The following STEAP1B variants were observed in gnomAD, a reference collection of about 807,000 sequenced individuals.
STEAP1B encodes the protein STEAP family member 1B, also known as STEAP family protein MGC87042.
STEAP1B carries 13 observed loss-of-function variants against 27.9 expected under a neutral mutation model. That is an observed-to-expected ratio of 0.47 (90% CI 0.30 to 0.74). STEAP1B has a LOEUF of 0.74. STEAP1B is among the 30% of genes least tolerant of loss of function. STEAP1B has a pLI of 0.06. For synonymous variants in STEAP1B, 86 were observed against 107.1 expected (o/e 0.80, Z 1.22); for missense variants, 250 against 298.7 (o/e 0.84, Z 1.20).
At chr7:22,470,310 T>C (rs1023687460) in intron 4 of STEAP1B, among the ~76,000 whole-genome samples, 1 of 152,158 alleles carries the variant, frequency 6.6e-6, no homozygotes, top group Non-Finnish European at 1.5e-5. Context: ...CAAAGTTGAC[T>C]TGAGGGGGCA....
intron 4 of STEAP1B, among the ~76,000 whole-genome samples, chr7:22,463,497 A>G (rs555584512): frequency 3.3e-5 from 5 of 152,350 alleles, no homozygotes; most frequent in African/African-American, 1.2e-4. Context: ...TGCATCGCCA[A>G]GTCAATCCTG....
At chr7:22,484,938 A>T (rs1344432023) in intron 4 of STEAP1B, among the ~76,000 whole-genome samples, 1 of 152,254 alleles carries the variant, frequency 6.6e-6, no homozygotes, top group African/African-American at 2.4e-5. Context: ...TTCTGAGTAC[A>T]GCCTGAAGCT....
intron 4 of STEAP1B, among the ~76,000 whole-genome samples, chr7:22,421,493 T>C (rs1242724132): frequency 2.0e-5 from 3 of 152,216 alleles, no homozygotes; most frequent in African/African-American, 7.2e-5. Flanking sequence ...CAGTGGAAGC[T>C]GCTTCATCTA....
At chr7:22,438,759 G>GA in intron 4 of STEAP1B, 1 of 1,542,978 alleles carries the variant, frequency 6.5e-7, no homozygotes, top group Non-Finnish European at 8.7e-7. Context: ...GTATAGCCTA[G>GA]AAAATGAAAA....
intron 4 of STEAP1B, among the ~76,000 whole-genome samples, chr7:22,454,438 G>A (rs553690144): frequency 1.3e-5 from 2 of 152,156 alleles, no homozygotes; most frequent in East Asian, 3.9e-4. Flanking sequence ...ATCATCTAGG[G>A]TGCCAGAGAC....
At chr7:22,435,119 C>T (rs1388441870) in intron 4 of STEAP1B, among the ~76,000 whole-genome samples, 1 of 152,026 alleles carries the variant, frequency 6.6e-6, no homozygotes, top group Non-Finnish European at 1.5e-5. Context: ...TAGATCTGGC[C>T]AGATTTACCG....
chr7:22,479,299 TG>T (rs1361774952), intron 4 of STEAP1B, among the ~76,000 whole-genome samples: 19 of 152,170 alleles, frequency 1.2e-4, no homozygotes, highest in African/African-American at 3.6e-4. Flanking sequence ...ATGCCGGCGC[TG>T]CAAGGAGGCA....
At chr7:22,432,650 C>G (rs1274794964) in intron 4 of STEAP1B, among the ~76,000 whole-genome samples, 1 of 152,174 alleles carries the variant, frequency 6.6e-6, no homozygotes, top group African/African-American at 2.4e-5. Context: ...AACAAATGGA[C>G]AGTCTTCATT....
At chr7:22,488,208 T>C (rs1786249902) in intron 4 of STEAP1B, among the ~76,000 whole-genome samples, 1 of 152,218 alleles carries the variant, frequency 6.6e-6, no homozygotes, top group African/African-American at 2.4e-5. Flanking sequence ...CTCCAGGACC[T>C]GTTAGCCTGG....
At chr7:22,453,268 T>C (rs1562572305) in intron 4 of STEAP1B, among the ~76,000 whole-genome samples, 1 of 152,230 alleles carries the variant, frequency 6.6e-6, no homozygotes, top group Non-Finnish European at 1.5e-5. Flanking sequence ...AAAGGTCTCA[T>C]GATGTGCAGA....
At chr7:22,488,479 G>A (rs1484259657) in intron 4 of STEAP1B, among the ~76,000 whole-genome samples, 1 of 152,192 alleles carries the variant, frequency 6.6e-6, no homozygotes, top group African/African-American at 2.4e-5. Context: ...GAATCAGAAG[G>A]GCTTGAATAA....
Position 22,493,430 on chromosome 7 carries a change from A to G in STEAP1B, c.491T>C (p.Phe164Ser), listed in dbSNP as rs1298326675. 1 of 1,613,810 alleles carries G rather than the reference A, an allele frequency of 6.2e-7. No homozygotes were observed. Among genetic ancestry groups the G allele is most frequent in the Non-Finnish European group, 8.5e-7 (1 of 1,179,850 alleles). Residue 164 changes from phenylalanine (F) to serine (S), a missense_variant, in exon 3 of 5, where the codon TTT becomes TCT. Transcript: ENST00000678116. ...LDKWMLTRKQ[F>S]GLLSLFFAVL... Reference sequence around the variant, plus strand: ...AGCAAAAAACAAACTGAGAAGCCCAAACTGCTTTCTTGTTAACATCCACTT... The same window carrying G: ...AGCAAAAAACAAACTGAGAAGCCCAGACTGCTTTCTTGTTAACATCCACTT...
rs1371957621 is a variant in STEAP1B at position 22,492,349 on chromosome 7, G to GAAAAAAAAAAAAAA, written c.762+215_762+216insTTTTTTTTTTTTTT. Reference sequence around the variant, plus strand: ...AAAAAAAAAAAAAAAAAAAAAAAAGGATATTTTAATGCTTTTTATTTATGT... The same window carrying GAAAAAAAAAAAAAA: ...AAAAAAAAAAAAAAAAAAAAAAAAGGAAAAAAAAAAAAAAATATTTTAATGCTTTTTATTTATGT... On this transcript the variant is annotated intron_variant, in intron 4 of 4. Transcript: ENST00000678116. The GAAAAAAAAAAAAAA allele has an allele frequency of 1.7e-3, 314 of 184,928 alleles. 3 individuals are homozygous for GAAAAAAAAAAAAAA. The highest frequency in any genetic ancestry group is 2.5e-3 in the African/African-American group (83 of 32,824). The allele number at this position is 184,928 out of a possible 1,614,324, so 11.5% of individuals were successfully genotyped here. A position where few individuals can be genotyped will look rare whatever the true frequency, so the allele number is the denominator to read the frequency against.
At chr7:22,479,835 C>T (rs534923446) in intron 4 of STEAP1B, among the ~76,000 whole-genome samples, 1 of 124,646 alleles carries the variant, frequency 8.0e-6, no homozygotes, top group East Asian at 2.9e-4. Context: ...CAGGCACACA[C>T]CGGCGACGCC....
chr7:22,458,282 T>A (rs1583641051), intron 4 of STEAP1B, among the ~76,000 whole-genome samples: 2 of 152,334 alleles, frequency 1.3e-5, no homozygotes, highest in South Asian at 4.1e-4. Context: ...TTAGTTAGTG[T>A]ACTAAAGTGC....
At position 22,488,972 on chromosome 7, in the gene STEAP1B, G is replaced by A. The variant is rs147554233; in HGVS notation, c.762+3593C>T. 5.7e-3 allele frequency among the ~76,000 whole-genome samples: 874 copies of A among 152,284 alleles called. 1 individual carries two copies. The highest frequency in any genetic ancestry group is 8.5e-3 in the Non-Finnish European group (577 of 68,016). Reference sequence around the variant, plus strand: ...AAAATGACTAGGAGTTGCAAAGACCGGATGCAGTACCCTTGGATAAGTTCT... The same window carrying A: ...AAAATGACTAGGAGTTGCAAAGACCAGATGCAGTACCCTTGGATAAGTTCT... On this transcript the variant is annotated intron_variant, in intron 4 of 4. Transcript: ENST00000678116.
intron 4 of STEAP1B, among the ~76,000 whole-genome samples, chr7:22,451,359 G>T (rs1785486563): frequency 6.6e-6 from 1 of 152,026 alleles, no homozygotes; most frequent in African/African-American, 2.4e-5. Context: ...CTGCAAACAA[G>T]GATAGTTTGA....
chr7:22,486,951 C>A (rs1160715068), intron 4 of STEAP1B, among the ~76,000 whole-genome samples: 3 of 152,172 alleles, frequency 2.0e-5, no homozygotes, highest in Non-Finnish European at 4.4e-5. Context: ...GTACTCCCCA[C>A]CCTAAAGGCC....
rs56679156 is a variant in STEAP1B, at chr7:22,492,319, CAAA to C, written c.762+243_762+245del. ...GGGCAACAGAGCGAGACTTCATCTC[CAAA>C]AAAAAAAAAAAAAAAAAAAAAAAAA... On this transcript the variant is annotated intron_variant, in intron 4 of 4. Coordinates refer to ENST00000678116, the MANE Select transcript of STEAP1B (RefSeq NM_001382447.1). 6.6e-3 allele frequency: 362 copies of C among 54,754 alleles called. 1 individual carries two copies. Among genetic ancestry groups the C allele is most frequent in the South Asian group, 0.021 (27 of 1,270 alleles). The allele number at this position is 54,754 out of a possible 1,614,324, so 3.4% of individuals were successfully genotyped here.
Sources: allele counts gnomAD v4.1 joint callset (sites outside exome capture counted in the v4.1 genomes callset), GRCh38; gene constraint gnomAD v4.1.1; transcripts MANE v1.5; gene names NCBI Gene and HGNC (gene_info 2026-07-23, HGNC 2026-07-21).